The following SDK1 variants were observed in gnomAD, a reference collection of about 807,000 sequenced individuals.
SDK1 encodes sidekick cell adhesion molecule 1.
Under a neutral mutation model 245.5 loss-of-function variants are expected in SDK1, and 157 were observed. The ratio of observed to expected loss-of-function variants is 0.64; its 90% CI spans 0.56 to 0.73. SDK1 has a LOEUF of 0.73. Among genes scored for constraint, SDK1 ranks in the 30% least tolerant of loss-of-function variants. The pLI is 0.00. For synonymous variants in SDK1, 1,647 were observed against 1,278.5 expected (o/e 1.29, Z -6.15); for missense variants, 3,583 against 3,002.3 (o/e 1.19, Z -4.52).
chr7:4,040,330 C>A (rs1788528832), intron 17 of SDK1, among the ~76,000 whole-genome samples: 1 of 152,182 alleles, frequency 6.6e-6, no homozygotes, highest in African/African-American at 2.4e-5. Flanking sequence ...TCTGAGTGTG[C>A]TCAGAGTCTG....
chr7:3,769,382 G>C (rs1780343591), intron 4 of SDK1, among the ~76,000 whole-genome samples: 1 of 152,078 alleles, frequency 6.6e-6, no homozygotes, highest in Non-Finnish European at 1.5e-5. Context: ...GACTGAGCCT[G>C]GAACCTCAGG....
intron 1 of SDK1, among the ~76,000 whole-genome samples, chr7:3,353,281 A>T (rs1041229067): frequency 2.6e-5 from 4 of 152,200 alleles, no homozygotes; most frequent in African/African-American, 9.6e-5. Flanking sequence ...AGCCACTTAC[A>T]AACTTTGATG....
rs1779271765 is a variant in SDK1, at chr7:3,301,832, C to T, written c.246C>T (p.Gly82=). The T allele has an allele frequency of 1.8e-6, 2 of 1,121,026 alleles. No individual in the cohort carries two copies. Among genetic ancestry groups the T allele is most frequent in the African/African-American group, 1.7e-5 (1 of 60,350 alleles). 69.4% of individuals were successfully genotyped at this position (1,121,026 alleles called of 1,614,324 possible). A position where few individuals can be genotyped will look rare whatever the true frequency, so the allele number is the denominator to read the frequency against. Residue 82 remains glycine, a synonymous_variant, in exon 1 of 45, where the codon GGC becomes GGT. Coordinates refer to ENST00000404826, the MANE Select transcript of SDK1 (RefSeq NM_152744.4). ...RAAKLGPGRR[G]WWALLALQLH... ...CAAAGTTGGGGCCGGGCCGCCGCGGCTGGTGGGCGCTGCTGGCGCTGCAGC... is the reference window on the plus strand; with the variant it reads ...CAAAGTTGGGGCCGGGCCGCCGCGGTTGGTGGGCGCTGCTGGCGCTGCAGC...
chr7:3,937,937 A>C (rs1479451766), intron 5 of SDK1, among the ~76,000 whole-genome samples: 1 of 152,024 alleles, frequency 6.6e-6, no homozygotes, highest in South Asian at 2.1e-4. Flanking sequence ...TCCCATGTTC[A>C]AGCAGTTCTC....
At chr7:3,567,573 C>T (rs1779966124) in intron 1 of SDK1, among the ~76,000 whole-genome samples, 1 of 152,216 alleles carries the variant, frequency 6.6e-6, no homozygotes, top group African/African-American at 2.4e-5. Context: ...TCATTGCTAA[C>T]AGATGAAGCT....
At chr7:4,046,072 G>A (rs1189179603) in intron 17 of SDK1, among the ~76,000 whole-genome samples, 2 of 151,826 alleles carry the variant, frequency 1.3e-5, no homozygotes, top group South Asian at 4.2e-4. Context: ...GGGACTACAG[G>A]CATGCACTAC....
At chr7:4,127,272 G>C in intron 25 of SDK1, 109 bp from the exon 26 acceptor site, 1 of 800,332 alleles carries the variant, frequency 1.2e-6, no homozygotes, top group African/African-American at 1.7e-5. Context: ...AAAATGCTTA[G>C]AATACGTTGC....
At chr7:3,849,523 T>G (rs1780367954) in intron 5 of SDK1, among the ~76,000 whole-genome samples, 1 of 152,202 alleles carries the variant, frequency 6.6e-6, no homozygotes, top group Admixed American at 6.5e-5. Context: ...GTTTAACCAC[T>G]TCAGTATATG....
chr7:3,559,900 A>G (rs919974686), intron 1 of SDK1, among the ~76,000 whole-genome samples: 3 of 152,210 alleles, frequency 2.0e-5, no homozygotes, highest in Non-Finnish European at 4.4e-5. Context: ...AGTGCTTGAC[A>G]ATAAATGTTT....
At chr7:4,084,176 T>C (rs1562785913) in intron 22 of SDK1, among the ~76,000 whole-genome samples, 1 of 152,218 alleles carries the variant, frequency 6.6e-6, no homozygotes, top group Non-Finnish European at 1.5e-5. Flanking sequence ...GCAGAATAAA[T>C]GCTTAATTCT....
At chr7:4,097,778 C>T (rs1194958955) in intron 22 of SDK1, among the ~76,000 whole-genome samples, 2 of 152,148 alleles carry the variant, frequency 1.3e-5, no homozygotes, top group Non-Finnish European at 2.9e-5. Context: ...TATCTGTCAG[C>T]ATTTCGGTCA....
intron 41 of SDK1, among the ~76,000 whole-genome samples, chr7:4,235,287 G>A (rs192191044): frequency 1.2e-4 from 18 of 152,154 alleles, no homozygotes; most frequent in East Asian, 7.8e-4. Context: ...GCCTCAGCTC[G>A]CAAGCAGCTG....
chr7:3,443,627 G>C (rs899445799), intron 1 of SDK1, among the ~76,000 whole-genome samples: 1 of 152,172 alleles, frequency 6.6e-6, no homozygotes. Context: ...GCATTAATTG[G>C]AGCCACACTA....
At chr7:3,823,113 A>C (rs1474955780) in intron 5 of SDK1, among the ~76,000 whole-genome samples, 1 of 152,220 alleles carries the variant, frequency 6.6e-6, no homozygotes, top group Non-Finnish European at 1.5e-5. Context: ...TGGGGTTCAC[A>C]AAACCCAGTG....
chr7:3,805,361 T>A lies in SDK1; in HGVS notation c.714-16089T>A, dbSNP rs142865223. Among the ~76,000 whole-genome samples the A allele has an allele frequency of 3.7e-3, 570 of 152,356 alleles. 4 individuals are homozygous for A. The highest frequency in any genetic ancestry group is 0.013 in the African/African-American group (551 of 41,576). The stretch of plus-strand genomic sequence containing the variant: ...TTCACTTTTTCCTTTCTGACTTGAA[T>A]GCCTTTGTATTGATGCTCAAATTGC... On this transcript the variant is annotated intron_variant, in intron 4 of 44. Transcript: ENST00000404826.
At chr7:3,804,968 A>G (rs1056404365) in intron 4 of SDK1, among the ~76,000 whole-genome samples, 1 of 152,234 alleles carries the variant, frequency 6.6e-6, no homozygotes, top group African/African-American at 2.4e-5. Flanking sequence ...CGGCATGGTG[A>G]CTATAGTTAA....
chr7:3,312,641 G>A (rs556842401), intron 1 of SDK1, among the ~76,000 whole-genome samples: 1 of 152,098 alleles, frequency 6.6e-6, no homozygotes, highest in South Asian at 2.1e-4. Context: ...GATAAAAACT[G>A]TATTGAAAAA....
At chr7:4,074,187 C>T (rs1232344769) in intron 20 of SDK1, among the ~76,000 whole-genome samples, 1 of 152,062 alleles carries the variant, frequency 6.6e-6, no homozygotes, top group Non-Finnish European at 1.5e-5. Flanking sequence ...GGATAGTAAA[C>T]TTTCATCTTA....
intron 7 of SDK1, among the ~76,000 whole-genome samples, chr7:3,953,706 A>G (rs1037881856): frequency 1.3e-5 from 2 of 152,204 alleles, no homozygotes; most frequent in Admixed American, 1.3e-4. Context: ...ATTTAAATCT[A>G]TCTTAAGAGC....
Sources: allele counts gnomAD v4.1 joint callset (sites outside exome capture counted in the v4.1 genomes callset), GRCh38; gene constraint gnomAD v4.1.1; transcripts MANE v1.5; gene names NCBI Gene and HGNC (gene_info 2026-07-23, HGNC 2026-07-21).